The following CNTN2 variants were observed in gnomAD, a reference collection of about 807,000 sequenced individuals.
The protein encoded by CNTN2 is contactin-2.
A neutral mutation model predicts 117.5 loss-of-function variants in CNTN2; 53 were observed. The observed-to-expected ratio is 0.45, with a 90% CI of 0.36 to 0.57. The LOEUF (loss-of-function observed/expected upper bound fraction) is 0.57. CNTN2 is among the 20% of genes least tolerant of loss of function. The probability of loss-of-function intolerance (pLI) is 0.00; values close to 1 mark genes in which losing one functional copy is unlikely to be tolerated. For synonymous variants in CNTN2, 530 were observed against 561.7 expected (o/e 0.94, Z 0.80); for missense variants, 1,106 against 1,404.3 (o/e 0.79, Z 3.39).
chr1:205,075,368 C>T lies in CNTN2; in HGVS notation c.*1603C>T, dbSNP rs1654806995. The T allele has an allele frequency of 2.0e-5, 3 of 153,234 alleles. No individual in the cohort carries two copies. The allele number at this position is 153,234 out of a possible 1,614,324, so 9.5% of individuals were successfully genotyped here. A position where few individuals can be genotyped will look rare whatever the true frequency, so the allele number is the denominator to read the frequency against. On this transcript the variant is annotated 3_prime_UTR_variant, in exon 23 of 23. Coordinates refer to ENST00000331830, the MANE Select transcript of CNTN2 (RefSeq NM_005076.5). ...AGCTCCCTGTCCCCCTCACTCTTGCCCCAAGAAAAGAGGCCAAAGCAAGAG... is the reference window on the plus strand; with the variant it reads ...AGCTCCCTGTCCCCCTCACTCTTGCTCCAAGAAAAGAGGCCAAAGCAAGAG...
rs1190892899 is a variant in CNTN2, at chr1:205,066,107, A to G, written c.1816+198A>G. 6 of 721,590 alleles carry G rather than the reference A, an allele frequency of 8.3e-6. No homozygotes were observed. In the Admixed American group the frequency reaches 9.2e-5, roughly 11 times the overall value. The allele number at this position is 721,590 out of a possible 1,614,324, so 44.7% of individuals were successfully genotyped here. A position where few individuals can be genotyped will look rare whatever the true frequency, so the allele number is the denominator to read the frequency against. On this transcript the variant is annotated intron_variant, in intron 14 of 22. Coordinates refer to ENST00000331830, the MANE Select transcript of CNTN2 (RefSeq NM_005076.5). ...CAGGACATTTTTCTTCCAAAGTCAA[A>G]GTTTAAAAAATCCACTCCTAAACAC... is the stretch of plus-strand genomic sequence containing the variant.
chr1:205,064,886 A>G (rs1316065978), intron 12 of CNTN2, 136 bp downstream of exon 12: 1 of 1,360,116 alleles, frequency 7.4e-7, no homozygotes, highest in Non-Finnish European at 1.0e-6. Context: ...GCTTGGGACC[A>G]CCCCCTGGCC....
chr1:205,055,026 G>A (rs960640018), intron 2 of CNTN2, among the ~76,000 whole-genome samples: 2 of 151,866 alleles, frequency 1.3e-5, no homozygotes, highest in African/African-American at 2.4e-5. Flanking sequence ...TTTTGTTTTT[G>A]TTTTTGAGAT....
In CNTN2 at chr1:205,061,707, T is replaced by C; in HGVS notation, c.974-158T>C. 9.6e-7 allele frequency: 1 copy of C among 1,042,232 alleles called. No homozygotes were observed. The highest frequency in any genetic ancestry group is 1.4e-6 in the Non-Finnish European group (1 of 726,632). The allele number at this position is 1,042,232 out of a possible 1,614,324, so 64.6% of individuals were successfully genotyped here. A position where few individuals can be genotyped will look rare whatever the true frequency, so the allele number is the denominator to read the frequency against. On this transcript the variant is annotated intron_variant, in intron 8 of 22. Coordinates refer to ENST00000331830, the MANE Select transcript of CNTN2 (RefSeq NM_005076.5). This position sits in a 1 kb window ranked among gnomAD's most constrained non-coding sequence, Gnocchi z 4.8. ...AGAGTGCCAGCTTTCTTGTGCCTCC[T>C]TCTTCCGGCCCCCTCCTCTTTGTCC...
At position 205,074,603 on chromosome 1, in the gene CNTN2, G is replaced by A. The variant is rs527751893; in HGVS notation, c.*838G>A. 5.0e-6 allele frequency: 2 copies of A among 398,856 alleles called. No individual in the cohort carries two copies. Among genetic ancestry groups the A allele is most frequent in the East Asian group, 3.6e-5 (1 of 28,056 alleles). The allele number at this position is 398,856 out of a possible 1,614,324, so 24.7% of individuals were successfully genotyped here. Reference sequence around the variant, plus strand: ...GTGACTAAAGGGCTTGTCTTGGTGGGGTCTCCCACCCCTCCAAGACCCATT... The same window carrying A: ...GTGACTAAAGGGCTTGTCTTGGTGGAGTCTCCCACCCCTCCAAGACCCATT... On this transcript the variant is annotated 3_prime_UTR_variant, in exon 23 of 23. Coordinates refer to ENST00000331830, the MANE Select transcript of CNTN2 (RefSeq NM_005076.5).
At chr1:205,069,611 C>T (rs1409877345) in intron 17 of CNTN2, 50 bp downstream of exon 17, 2 of 1,583,218 alleles carry the variant, frequency 1.3e-6, no homozygotes, top group East Asian at 2.2e-5. Flanking sequence ...ACCCCTCTCC[C>T]GCTTGAGCAG....
At position 205,062,360 on chromosome 1, in the gene CNTN2, C is replaced by G. The variant is rs568181579; in HGVS notation, c.1111-80C>G. The G allele has an allele frequency of 8.5e-5, 130 of 1,522,552 alleles. 1 individual carries two copies. The South Asian group carries it at 1.5e-3, about 18-fold the overall frequency. The allele number at this position is 1,522,552 out of a possible 1,614,324, so 94.3% of individuals were successfully genotyped here. ...AGGGATTATCAGCCTAGAGTCTCCA[C>G]TGCTCCCACCCCTGCCAACCCCTCC... On this transcript the variant is annotated intron_variant, in intron 9 of 22. Coordinates refer to ENST00000331830, the MANE Select transcript of CNTN2 (RefSeq NM_005076.5).
Position 205,059,817 on chromosome 1 carries a change from G to T in CNTN2, c.797+135G>T. ...TCTAGCAAAGTACTGGGCACACAGT[G>T]GGTATCGACCACCACTCACTGGACA... On this transcript the variant is annotated intron_variant, in intron 7 of 22. Coordinates refer to ENST00000331830, the MANE Select transcript of CNTN2 (RefSeq NM_005076.5). This position sits in a 1 kb window ranked among gnomAD's most constrained non-coding sequence, Gnocchi z 5.6. 1.5e-6 allele frequency: 1 copy of T among 688,468 alleles called. No individual in the cohort carries two copies. Among genetic ancestry groups the T allele is most frequent in the East Asian group, 2.7e-5 (1 of 37,436 alleles). The allele number at this position is 688,468 out of a possible 1,614,324, so 42.6% of individuals were successfully genotyped here.
At chr1:205,072,655 G>A in intron 21 of CNTN2, 60 bp downstream of exon 21, 1 of 1,308,152 alleles carries the variant, frequency 7.6e-7, no homozygotes, top group East Asian at 2.3e-5. Flanking sequence ...TGTTTCCAGT[G>A]AACATAAGCA....
In CNTN2 at chr1:205,074,368, G is replaced by A; in HGVS notation, c.*603G>A. On this transcript the variant is annotated 3_prime_UTR_variant, in exon 23 of 23. Coordinates refer to ENST00000331830, the MANE Select transcript of CNTN2 (RefSeq NM_005076.5). ...AACCAGCGCCCCGATGCCTGAGGCT[G>A]GGAGCCTGAGCCCCTTCAGCTTTGA... 5 of 400,378 alleles carry A rather than the reference G, an allele frequency of 1.2e-5. No individual in the cohort carries two copies. The highest frequency in any genetic ancestry group is 2.2e-5 in the Non-Finnish European group (5 of 227,042). 24.8% of individuals were successfully genotyped at this position (400,378 alleles called of 1,614,324 possible).
Position 205,058,436 on chromosome 1 carries a change from C to A in CNTN2, c.391+80C>A. 1 of 1,532,068 alleles carries A rather than the reference C, an allele frequency of 6.5e-7. No individual in the cohort carries two copies. Among genetic ancestry groups the A allele is most frequent in the Non-Finnish European group, 8.9e-7 (1 of 1,128,890 alleles). The allele number at this position is 1,532,068 out of a possible 1,614,324, so 94.9% of individuals were successfully genotyped here. On this transcript the variant is annotated intron_variant, in intron 4 of 22. Transcript: ENST00000331830. The surrounding 1 kb of genome is among the most constrained non-coding windows in gnomAD (Gnocchi z 4.3). ...GAAATTACTGAGAAAGGATAAGGGA[C>A]ACCCTCAAGCCGGGCCTTCCTGACC... is the stretch of plus-strand genomic sequence containing the variant.
In CNTN2 at chr1:205,059,511, C is replaced by T. The variant is rs1653853313; in HGVS notation, c.698-72C>T. The T allele has an allele frequency of 1.4e-6, 2 of 1,441,522 alleles. No homozygotes were observed. Among genetic ancestry groups the T allele is most frequent in the Non-Finnish European group, 2.0e-6 (2 of 1,024,532 alleles). 89.3% of individuals were successfully genotyped at this position (1,441,522 alleles called of 1,614,324 possible). The stretch of plus-strand genomic sequence containing the variant: ...TAGACAGAGTTGGCTCTGAAAGGTG[C>T]TGAGATCCCATGCACGGGAGCACCT... On this transcript the variant is annotated intron_variant, in intron 6 of 22. Coordinates refer to ENST00000331830, the MANE Select transcript of CNTN2 (RefSeq NM_005076.5). The surrounding 1 kb of genome is among the most constrained non-coding windows in gnomAD (Gnocchi z 5.6).
intron 1 of CNTN2, among the ~76,000 whole-genome samples, chr1:205,047,415 C>A (rs1332955939): frequency 6.6e-6 from 1 of 152,094 alleles, no homozygotes; most frequent in Non-Finnish European, 1.5e-5. Context: ...TGGTGCTGTC[C>A]CAGGAGGCAA....
At position 205,048,436 on chromosome 1, in the gene CNTN2, C is replaced by G. The variant is rs1029908309; in HGVS notation, c.-86-4664C>G. On this transcript the variant is annotated intron_variant, in intron 1 of 22. Transcript: ENST00000331830. The surrounding 1 kb of genome is among the most constrained non-coding windows in gnomAD (Gnocchi z 4.1). ...ACTCCCCCTGGTGCCCCCGAACCCCCCAGTGGTCCACTCCCCCATGTGCTG... is the reference window on the plus strand; with the variant it reads ...ACTCCCCCTGGTGCCCCCGAACCCCGCAGTGGTCCACTCCCCCATGTGCTG... 2.6e-5 allele frequency among the ~76,000 whole-genome samples: 4 copies of G among 152,158 alleles called. No individual in the cohort carries two copies. The highest frequency in any genetic ancestry group is 9.7e-5 in the African/African-American group (4 of 41,422).
Position 205,069,539 on chromosome 1 carries a change from G to A in CNTN2, c.2174G>A (p.Gly725Glu). 2 of 1,613,822 alleles carry A rather than the reference G, an allele frequency of 1.2e-6. No individual in the cohort carries two copies. Among genetic ancestry groups the A allele is most frequent in the Non-Finnish European group, 1.7e-6 (2 of 1,180,016 alleles). ...SGLSGGGGAP[G>E]ELIVNWTPMS... Reference sequence around the variant, plus strand: ...CTCAGCGGAGGAGGTGGAGCCCCCGGAGAGCTCATCGTCAACTGGACGGTA... The same window carrying A: ...CTCAGCGGAGGAGGTGGAGCCCCCGAAGAGCTCATCGTCAACTGGACGGTA... The change falls in exon 17 of 23, where the codon GGA becomes GAA. Residue 725 changes from glycine (G) to glutamate (E), a missense_variant. Transcript: ENST00000331830.
At position 205,074,444 on chromosome 1, in the gene CNTN2, G is replaced by A. The variant is rs191650452; in HGVS notation, c.*679G>A. On this transcript the variant is annotated 3_prime_UTR_variant, in exon 23 of 23. Transcript: ENST00000331830. ...GGGTGGGAGCCAAAAAGAGTTGAGAGGCCAGGGCCCTTGGTGGAAAGGGGC... is the reference window on the plus strand; with the variant it reads ...GGGTGGGAGCCAAAAAGAGTTGAGAAGCCAGGGCCCTTGGTGGAAAGGGGC... 4.5e-4 allele frequency: 180 copies of A among 398,934 alleles called. 1 individual carries two copies. The East Asian group carries it at 6.0e-3, about 13-fold the overall frequency. 24.7% of individuals were successfully genotyped at this position (398,934 alleles called of 1,614,324 possible).
At chr1:205,053,040 G>T (rs2096455566) in intron 1 of CNTN2, 60 bp from the exon 2 acceptor site, 1 of 514,978 alleles carries the variant, frequency 1.9e-6, no homozygotes. Flanking sequence ...ACCCAGATGT[G>T]CCTGGAGCTG....
rs1387800793 is a variant in CNTN2, at chr1:205,049,632, T to C, written c.-86-3468T>C. 2.0e-5 allele frequency among the ~76,000 whole-genome samples: 3 copies of C among 152,150 alleles called. No homozygotes were observed. In the South Asian group the frequency reaches 6.2e-4, roughly 32 times the overall value. On this transcript the variant is annotated intron_variant, in intron 1 of 22. Coordinates refer to ENST00000331830, the MANE Select transcript of CNTN2 (RefSeq NM_005076.5). ...CTCTGGCACATTCAGTACAAGTGCC[T>C]GGAGCCCAGGCTCCTCCCCAGGCCA...
Position 205,073,851 on chromosome 1 carries a change from C to A in CNTN2, c.*86C>A. 2 of 1,109,082 alleles carry A rather than the reference C, an allele frequency of 1.8e-6. No individual in the cohort carries two copies. The highest frequency in any genetic ancestry group is 2.7e-6 in the Non-Finnish European group (2 of 746,114). The allele number at this position is 1,109,082 out of a possible 1,614,324, so 68.7% of individuals were successfully genotyped here. ...CCTTCCTGCTGCCAAGGTGGCCTGACACTGTGCCAGAGAGTGGCTGGTTTT... is the reference window on the plus strand; with the variant it reads ...CCTTCCTGCTGCCAAGGTGGCCTGAAACTGTGCCAGAGAGTGGCTGGTTTT... On this transcript the variant is annotated 3_prime_UTR_variant, in exon 23 of 23. Coordinates refer to ENST00000331830, the MANE Select transcript of CNTN2 (RefSeq NM_005076.5). The surrounding 1 kb of genome is among the most constrained non-coding windows in gnomAD (Gnocchi z 6.3).
Sources: gnomAD v4.1 joint callset for allele counts (sites outside exome capture counted in the v4.1 genomes callset) on GRCh38, gnomAD v4.1.1 for gene constraint, Gnocchi (gnomAD v3.1) non-coding constraint, MANE v1.5 for transcripts, NCBI Gene and HGNC (gene_info 2026-07-23, HGNC 2026-07-21) for gene names.